PDE4D: variants seen among roughly 807,000 people sequenced by gnomAD.
The protein encoded by PDE4D is phosphodiesterase 4D.
Under a neutral mutation model 87.4 loss-of-function variants are expected in PDE4D, and 24 were observed. The observed-to-expected ratio is 0.27, with a 90% confidence interval of 0.20 to 0.39. The LOEUF is 0.39. Among genes scored for constraint, PDE4D ranks in the 10% least tolerant of loss-of-function variants. The pLI is 1.00. For synonymous variants in PDE4D, 384 were observed against 383.2 expected (o/e 1.00, Z -0.02); for missense variants, 714 against 1,041.0 (o/e 0.69, Z 4.32).
chr5:60,295,536 G>A (rs1753301683), intron 1 of PDE4D, among the ~76,000 whole-genome samples: 1 of 152,160 alleles, frequency 6.6e-6, no homozygotes, highest in African/African-American at 2.4e-5. Context: ...TGGGATGGGA[G>A]GAGGTGCTGT....
chr5:60,174,554 G>A (rs755427846), intron 2 of PDE4D, among the ~76,000 whole-genome samples: 19 of 152,168 alleles, frequency 1.2e-4, no homozygotes, highest in Middle Eastern at 3.4e-3. Flanking sequence ...TTTGAAAAAG[G>A]AAAGACAAAA....
chr5:59,912,755 G>C (rs918162944), intron 3 of PDE4D, among the ~76,000 whole-genome samples: 3 of 152,136 alleles, frequency 2.0e-5, no homozygotes, highest in African/African-American at 7.2e-5. Context: ...CCACTCATTG[G>C]GGATACTGTG....
In PDE4D at chr5:59,732,394, TCACA is replaced by T. The variant is rs71604799; in HGVS notation, c.455+160770_455+160773del. 4.9e-3 allele frequency among the ~76,000 whole-genome samples: 713 copies of T among 146,112 alleles called. 4 individuals are homozygous for T. The highest frequency in any genetic ancestry group is 7.4e-3 in the Admixed American group (107 of 14,508). On this transcript the variant is annotated intron_variant, in intron 1 of 14. Coordinates refer to ENST00000340635, the MANE Select transcript of PDE4D (RefSeq NM_001104631.2). ...GTGAATTTCAAATGTCAGGAGACAT[TCACA>T]CACACACACACACACACACACACAC...
chr5:60,015,346 C>G (rs1016799007), intron 2 of PDE4D, among the ~76,000 whole-genome samples: 11 of 152,106 alleles, frequency 7.2e-5, no homozygotes, highest in African/African-American at 2.7e-4. Context: ...TTCCTCACAC[C>G]ATGAAGTAGG....
chr5:59,607,035 G>A (rs1024607146), intron 1 of PDE4D, among the ~76,000 whole-genome samples: 2 of 151,868 alleles, frequency 1.3e-5, no homozygotes, highest in African/African-American at 4.8e-5. Flanking sequence ...TTTTCCCTAC[G>A]TTTCAGATGC....
In PDE4D at chr5:58,975,894, A is replaced by C; in HGVS notation, c.1831-55T>G. 1 of 1,262,642 alleles carries C rather than the reference A, an allele frequency of 7.9e-7. No homozygotes were observed. Among genetic ancestry groups the C allele is most frequent in the African/African-American group, 1.6e-5 (1 of 64,462 alleles). 78.2% of individuals were successfully genotyped at this position (1,262,642 alleles called of 1,614,324 possible). A position where few individuals can be genotyped will look rare whatever the true frequency, so the allele number is the denominator to read the frequency against. On this transcript the variant is annotated intron_variant, in intron 13 of 14. Coordinates refer to ENST00000340635, the MANE Select transcript of PDE4D (RefSeq NM_001104631.2). This position sits in a 1 kb window ranked among gnomAD's most constrained non-coding sequence, Gnocchi z 4.2. ...CTCCTGTTCCTTTTTTTTAAAAAAA[A>C]AAACAAAAAAAACTAGAAATTCACA...
chr5:60,337,378 T>TACACACACAC (rs1561133956), intron 1 of PDE4D, among the ~76,000 whole-genome samples: 1 of 114,566 alleles, frequency 8.7e-6, no homozygotes, highest in African/African-American at 4.1e-5. Context: ...TATATATATA[T>TACACACACAC]ATATATATAT....
chr5:59,394,672 C>A (rs1788972270), intron 1 of PDE4D, among the ~76,000 whole-genome samples: 1 of 152,176 alleles, frequency 6.6e-6, no homozygotes, highest in Non-Finnish European at 1.5e-5. Context: ...ATATACAAGG[C>A]ACAGTTCCAA....
At chr5:60,194,818 C>A (rs1053899076) in intron 1 of PDE4D, among the ~76,000 whole-genome samples, 1 of 151,604 alleles carries the variant, frequency 6.6e-6, no homozygotes, top group Non-Finnish European at 1.5e-5. Flanking sequence ...TTCTAATGTT[C>A]TTCTTGTCAC....
intron 1 of PDE4D, among the ~76,000 whole-genome samples, chr5:59,566,655 A>G (rs1420268050): frequency 6.6e-6 from 1 of 151,904 alleles, no homozygotes; most frequent in Non-Finnish European, 1.5e-5. Flanking sequence ...TAAACTCCAT[A>G]GGGGCAAGAA....
chr5:60,480,400 G>A (rs763713906), intron 1 of PDE4D, among the ~76,000 whole-genome samples: 13 of 151,930 alleles, frequency 8.6e-5, no homozygotes, highest in Non-Finnish European at 1.8e-4. Context: ...AGCATTTTAC[G>A]TATATTAATT....
intron 1 of PDE4D, among the ~76,000 whole-genome samples, chr5:59,333,163 T>C (rs905232068): frequency 6.6e-6 from 1 of 152,126 alleles, no homozygotes; most frequent in Non-Finnish European, 1.5e-5. Flanking sequence ...AAAATCCAGT[T>C]ACAAATCCGC....
chr5:59,988,656 G>C (rs1762685757), exon 3 of PDE4D: 2 of 1,599,092 alleles, frequency 1.3e-6, no homozygotes, highest in Admixed American at 1.7e-5. Flanking sequence ...GACAAGATAG[G>C]GTTCCATTCC....
chr5:59,506,609 T>G (rs2153666662), intron 1 of PDE4D, among the ~76,000 whole-genome samples: 1 of 152,178 alleles, frequency 6.6e-6, no homozygotes, highest in East Asian at 1.9e-4. Context: ...TTTTATACAA[T>G]AATTTCCAGC....
intron 1 of PDE4D, among the ~76,000 whole-genome samples, chr5:59,863,609 C>T (rs188386272): frequency 1.2e-3 from 180 of 152,206 alleles, no homozygotes; most frequent in African/African-American, 4.1e-3. Flanking sequence ...CATGATGGTA[C>T]TTCTATCTAC....
chr5:60,253,386 T>C (rs942765831), intron 1 of PDE4D, among the ~76,000 whole-genome samples: 1 of 151,888 alleles, frequency 6.6e-6, no homozygotes, highest in Admixed American at 6.6e-5. Flanking sequence ...TCTCCTGCAA[T>C]CACTTAAAAT....
At chr5:59,479,935 A>G (rs1803958786) in intron 1 of PDE4D, among the ~76,000 whole-genome samples, 1 of 152,112 alleles carries the variant, frequency 6.6e-6, no homozygotes, top group Admixed American at 6.6e-5. Context: ...AATTCAGACT[A>G]CAGTGGGGAG....
intron 5 of PDE4D, among the ~76,000 whole-genome samples, chr5:59,135,993 T>C (rs1777011167): frequency 6.6e-6 from 1 of 150,818 alleles, no homozygotes; most frequent in Non-Finnish European, 1.5e-5. Flanking sequence ...AAAGGATGAA[T>C]TTGACTACTC....
rs147646199 is a variant in PDE4D, at chr5:59,447,216, C to T, written c.456-231248G>A. Among the ~76,000 whole-genome samples the T allele has an allele frequency of 1.6e-3, 248 of 152,306 alleles. No individual in the cohort carries two copies. In the Middle Eastern group the frequency reaches 0.027, roughly 17 times the overall value. ...TCAACATGGCTACAACTGAATCTAT[C>T]AGCTGTTCTTCCCTGATTTACCTCC... On this transcript the variant is annotated intron_variant, in intron 1 of 14. Transcript: ENST00000340635.
Sources: gnomAD v4.1 joint callset for allele counts (sites outside exome capture counted in the v4.1 genomes callset) on GRCh38, gnomAD v4.1.1 for gene constraint, Gnocchi (gnomAD v3.1) non-coding constraint, MANE v1.5 for transcripts, NCBI Gene and HGNC (gene_info 2026-07-23, HGNC 2026-07-21) for gene names.